Variants in B3GLCT observed in about 807,000 individuals in gnomAD.
B3GLCT encodes the protein beta-1,3-glucosyltransferase.
A neutral mutation model predicts 63.4 loss-of-function variants in B3GLCT; 65 were observed. The ratio of observed to expected loss-of-function variants is 1.03; its 90% CI spans 0.84 to 1.26. The LOEUF (loss-of-function observed/expected upper bound fraction) is 1.26, where lower values mean the gene tolerates loss of function less well. Ranked by LOEUF, B3GLCT falls within the 50% of genes most tolerant of loss-of-function variation. The pLI, the probability that B3GLCT is intolerant of heterozygous loss-of-function variation, is 0.00. For missense variants in B3GLCT, 577 were observed against 604.8 expected (o/e 0.95, Z 0.48); for synonymous variants, 233 against 219.2 (o/e 1.06, Z -0.55).
At chr13:31,228,008 G>T (rs1870187053) in intron 3 of B3GLCT, among the ~76,000 whole-genome samples, 1 of 152,334 alleles carries the variant, frequency 6.6e-6, no homozygotes, top group South Asian at 2.1e-4. Context: ...GTTTCTCTGG[G>T]AGGCAGCCTT....
Position 31,294,359 on chromosome 13 carries a change from C to T in B3GLCT, c.1064+7540C>T, listed in dbSNP as rs147136043. 4.6e-5 allele frequency among the ~76,000 whole-genome samples: 7 copies of T among 152,284 alleles called. No homozygotes were observed. In the East Asian group the frequency reaches 1.2e-3, roughly 25 times the overall value. ...TTCCTGAGTTTGAATGTTAGCTTGT[C>T]TTGCTAGGTTGGGGAAGTTCTCTTG... On this transcript the variant is annotated intron_variant, in intron 12 of 14. Coordinates refer to ENST00000343307, the MANE Select transcript of B3GLCT (RefSeq NM_194318.4).
At chr13:31,291,584 C>A (rs907758662) in intron 12 of B3GLCT, among the ~76,000 whole-genome samples, 8 of 152,132 alleles carry the variant, frequency 5.3e-5, no homozygotes, top group Non-Finnish European at 1.2e-4. Flanking sequence ...CTTGTTGTAG[C>A]AATTGTGAAT....
intron 2 of B3GLCT, among the ~76,000 whole-genome samples, chr13:31,221,331 G>A (rs1024944337): frequency 2.6e-5 from 4 of 152,234 alleles, no homozygotes; most frequent in Admixed American, 2.6e-4. Context: ...TGGAGCTGAG[G>A]CTGGCCCCTT....
intron 13 of B3GLCT, among the ~76,000 whole-genome samples, chr13:31,318,239 A>T (rs1467694143): frequency 6.6e-6 from 1 of 152,214 alleles, no homozygotes; most frequent in Admixed American, 6.5e-5. Flanking sequence ...TTTCCCTATT[A>T]CTTCTGTAGT....
chr13:31,203,734 C>T (rs1310902735), intron 1 of B3GLCT, among the ~76,000 whole-genome samples: 1 of 152,044 alleles, frequency 6.6e-6, no homozygotes, highest in East Asian at 1.9e-4. Flanking sequence ...TATGGGAGTC[C>T]CCATAGGTTA....
At chr13:31,281,998 A>G (rs935244713) in intron 10 of B3GLCT, among the ~76,000 whole-genome samples, 3 of 152,200 alleles carry the variant, frequency 2.0e-5, no homozygotes, top group African/African-American at 4.8e-5. Flanking sequence ...GCATTTTTAT[A>G]GTAAAATTTT....
chr13:31,257,590 A>G (rs572854960), intron 6 of B3GLCT, among the ~76,000 whole-genome samples: 1 of 152,000 alleles, frequency 6.6e-6, no homozygotes, highest in Non-Finnish European at 1.5e-5. Flanking sequence ...TGAATTGAGG[A>G]AAAGTAGGAC....
chr13:31,200,316 C>G (rs1868578600), intron 1 of B3GLCT, among the ~76,000 whole-genome samples, 162 bp downstream of exon 1: 1 of 148,258 alleles, frequency 6.7e-6, no homozygotes, highest in Admixed American at 6.7e-5. Flanking sequence ...GCGCCGTCAG[C>G]AGCGCCCTCT....
intron 12 of B3GLCT, among the ~76,000 whole-genome samples, chr13:31,289,804 T>C (rs1348779285): frequency 1.3e-5 from 2 of 152,042 alleles, no homozygotes; most frequent in African/African-American, 2.4e-5. Flanking sequence ...ACTTAAAAGA[T>C]ACAGATTGCC....
intron 6 of B3GLCT, among the ~76,000 whole-genome samples, chr13:31,258,690 C>A (rs1871864096): frequency 6.6e-6 from 1 of 152,188 alleles, no homozygotes; most frequent in African/African-American, 2.4e-5. Flanking sequence ...CCCTCTATGA[C>A]TTCCCCTGCT....
At chr13:31,273,281 A>G (rs1023287074) in intron 8 of B3GLCT, among the ~76,000 whole-genome samples, 16 of 152,044 alleles carry the variant, frequency 1.1e-4, no homozygotes, top group African/African-American at 3.9e-4. Flanking sequence ...TTTTAAGTAA[A>G]GATGGGGTTT....
intron 7 of B3GLCT, 127 bp from the exon 8 acceptor site, chr13:31,269,087 A>C (rs929705155): frequency 2.9e-6 from 2 of 698,102 alleles, no homozygotes; most frequent in African/African-American, 3.6e-5. Flanking sequence ...AAGGAATTTA[A>C]ACTGTTATTT....
At chr13:31,279,245 T>C (rs1166012593) in intron 10 of B3GLCT, among the ~76,000 whole-genome samples, 2 of 152,084 alleles carry the variant, frequency 1.3e-5, no homozygotes, top group Non-Finnish European at 2.9e-5. Context: ...TATCTAAGCA[T>C]ATCACTGCTA....
chr13:31,276,819 C>T, intron 10 of B3GLCT, 48 bp downstream of exon 10: 1 of 1,334,898 alleles, frequency 7.5e-7, no homozygotes, highest in Non-Finnish European at 1.1e-6. Flanking sequence ...TCCAGACTAC[C>T]TTCTAAAGAA....
At chr13:31,266,664 A>G (rs1872340693) in intron 7 of B3GLCT, among the ~76,000 whole-genome samples, 1 of 152,226 alleles carries the variant, frequency 6.6e-6, no homozygotes, top group South Asian at 2.1e-4. Flanking sequence ...AGTCTGTGAT[A>G]TTGAGGTTGT....
At chr13:31,224,655 T>C (rs1479463858) in intron 3 of B3GLCT, among the ~76,000 whole-genome samples, 1 of 152,086 alleles carries the variant, frequency 6.6e-6, no homozygotes, top group Non-Finnish European at 1.5e-5. Context: ...TGCTGCCTAA[T>C]TGATAGATTC....
intron 7 of B3GLCT, among the ~76,000 whole-genome samples, chr13:31,263,094 C>T (rs942323223): frequency 7.9e-5 from 12 of 152,094 alleles, no homozygotes; most frequent in African/African-American, 2.2e-4. Context: ...ATATGGCAAG[C>T]GGGGGTGTAA....
intron 1 of B3GLCT, among the ~76,000 whole-genome samples, chr13:31,205,471 A>G (rs187868943): frequency 1.8e-4 from 28 of 152,238 alleles, no homozygotes; most frequent in Admixed American, 1.6e-3. Context: ...AGGCAGGACA[A>G]TCGCTTGAAC....
chr13:31,329,492 T>G lies in B3GLCT; in HGVS notation c.1330-9T>G, dbSNP rs778360466. On this transcript the variant is annotated splice_polypyrimidine_tract_variant and intron_variant, in intron 14 of 14. Coordinates refer to ENST00000343307, the MANE Select transcript of B3GLCT (RefSeq NM_194318.4). ...AACAAGGAAGCCTAACTCTCTATTT[T>G]TCCTGCAGGCTCGGCCGGTGGATTA... The G allele has an allele frequency of 1.9e-6, 3 of 1,614,204 alleles. No homozygotes were observed. The highest frequency in any genetic ancestry group is 2.5e-6 in the Non-Finnish European group (3 of 1,180,018).
Sources: gnomAD v4.1 joint callset for allele counts (sites outside exome capture counted in the v4.1 genomes callset) on GRCh38, gnomAD v4.1.1 for gene constraint, MANE v1.5 for transcripts, NCBI Gene and HGNC (gene_info 2026-07-23, HGNC 2026-07-21) for gene names.